TMPRSS4: variants seen among roughly 807,000 people sequenced by gnomAD.
The protein encoded by TMPRSS4 is transmembrane protease serine 4.
Under a neutral mutation model 56.4 loss-of-function variants are expected in TMPRSS4, and 45 were observed. The ratio of observed to expected loss-of-function variants is 0.80; its 90% CI spans 0.63 to 1.02. The LOEUF (loss-of-function observed/expected upper bound fraction) is 1.02, where lower values mean the gene tolerates loss of function less well. Ranked by LOEUF, TMPRSS4 falls within the 50% of genes least tolerant of loss-of-function variation. The pLI, the probability that TMPRSS4 is intolerant of heterozygous loss-of-function variation, is 0.00. For missense variants in TMPRSS4, 546 were observed against 556.7 expected, an observed-to-expected ratio of 0.98 and a Z score of 0.19; for synonymous variants, 205 against 211.0, an observed-to-expected ratio of 0.97 and a Z score of 0.25.
At chr11:118,081,421 C>G (rs776473819) in intron 1 of TMPRSS4, among the ~76,000 whole-genome samples, 1 of 152,216 alleles carries the variant, frequency 6.6e-6, no homozygotes, top group Non-Finnish European at 1.5e-5. Context: ...ACCAGCACGT[C>G]GGCAGCTGAG....
downstream of TMPRSS4, among the ~76,000 whole-genome samples, chr11:118,123,828 A>T (rs2135487187): frequency 6.6e-6 from 1 of 152,210 alleles, no homozygotes; most frequent in African/African-American, 2.4e-5. Flanking sequence ...CCGGCCAATT[A>T]CTGTTATGTC....
chr11:118,122,776 G>C (rs768148586), downstream of TMPRSS4, among the ~76,000 whole-genome samples: 20 of 152,136 alleles, frequency 1.3e-4, no homozygotes, highest in Admixed American at 6.5e-5. Flanking sequence ...GGATGCTATT[G>C]TCTGAATGCT....
chr11:118,090,708 G>A (rs1303106552), intron 1 of TMPRSS4, among the ~76,000 whole-genome samples: 1 of 151,966 alleles, frequency 6.6e-6, no homozygotes, highest in Non-Finnish European at 1.5e-5. Context: ...AGCGCAGGAG[G>A]TGGAGGCTGC....
intron 1 of TMPRSS4, 42 bp from the exon 2 acceptor site, chr11:118,094,774 G>C (rs767772092): frequency 3.1e-6 from 5 of 1,591,762 alleles, no homozygotes; most frequent in Non-Finnish European, 4.3e-6. Flanking sequence ...GCCCCAGCCT[G>C]AGAGGCTCCC....
chr11:118,077,313 T>C lies in TMPRSS4; in HGVS notation c.3+8T>C. The C allele has an allele frequency of 6.3e-7, 1 of 1,598,724 alleles. No individual in the cohort carries two copies. The highest frequency in any genetic ancestry group is 1.7e-5 in the Admixed American group (1 of 58,190). The stretch of plus-strand genomic sequence containing the variant: ...GATCACAGAGCCAGCATGGTGAGTG[T>C]GGGGCCCTCTGCTCCCAAGACACAG... On this transcript the variant is annotated splice_region_variant and intron_variant, in intron 1 of 12. Transcript: ENST00000437212.
chr11:118,084,958 C>T (rs1300567693), intron 1 of TMPRSS4, among the ~76,000 whole-genome samples: 1 of 152,092 alleles, frequency 6.6e-6, no homozygotes, highest in Non-Finnish European at 1.5e-5. Flanking sequence ...CAGCTGAGAC[C>T]CCTCAAACTG....
At chr11:118,079,913 G>A (rs977506645) in intron 1 of TMPRSS4, among the ~76,000 whole-genome samples, 1 of 152,200 alleles carries the variant, frequency 6.6e-6, no homozygotes, top group African/African-American at 2.4e-5. Flanking sequence ...AGGTCCTAAA[G>A]GGCAAGACAG....
chr11:118,113,403 T>C lies in TMPRSS4; in HGVS notation c.878T>C (p.Leu293Pro), dbSNP rs1947380051. 6.2e-7 allele frequency: 1 copy of C among 1,614,128 alleles called. No homozygotes were observed. The highest frequency in any genetic ancestry group is 8.5e-7 in the Non-Finnish European group (1 of 1,180,018). ...TACCCCAAAGACAATGACATCGCCC[T>C]CATGAAGCTGCAGTTCCCACTCACT... ...PMYPKDNDIA[L>P]MKLQFPLTFS... Residue 293 changes from leucine to proline, a missense_variant, in exon 9 of 13, where the codon CTC becomes CCC. Leu to Pro is a moderately conservative substitution (Grantham distance 98, BLOSUM62 -3). Transcript: ENST00000437212.
chr11:118,107,768 G>A lies in TMPRSS4; in HGVS notation c.441-6G>A, dbSNP rs1947066069. 2 of 1,613,682 alleles carry A rather than the reference G, an allele frequency of 1.2e-6. No individual in the cohort carries two copies. Among genetic ancestry groups the A allele is most frequent in the Non-Finnish European group, 1.7e-6 (2 of 1,179,702 alleles). On this transcript the variant is annotated splice_region_variant and splice_polypyrimidine_tract_variant and intron_variant, in intron 5 of 12. Coordinates refer to ENST00000437212, the MANE Select transcript of TMPRSS4 (RefSeq NM_019894.4). ...CACAACTCTCTCTCCCTCTTGATGT[G>A]AGCAGCAAACCCACTTTCAGAGCTG...
At chr11:118,080,002 C>A (rs1945000860) in intron 1 of TMPRSS4, among the ~76,000 whole-genome samples, 1 of 152,122 alleles carries the variant, frequency 6.6e-6, no homozygotes, top group Non-Finnish European at 1.5e-5. Flanking sequence ...TCACTGTAAC[C>A]ACTCCCCCCC....
chr11:118,093,615 A>T (rs1032397404), intron 1 of TMPRSS4, among the ~76,000 whole-genome samples: 1 of 152,236 alleles, frequency 6.6e-6, no homozygotes, highest in Admixed American at 6.5e-5. Flanking sequence ...ATTTGTGCAC[A>T]TGCGTCGACG....
chr11:118,083,437 G>A (rs1945309554), intron 1 of TMPRSS4, among the ~76,000 whole-genome samples: 1 of 152,080 alleles, frequency 6.6e-6, no homozygotes, highest in African/African-American at 2.4e-5. Context: ...AGTCCACAGA[G>A]TCCCCTGCTG....
At chr11:118,087,648 TA>T (rs1347441072) in intron 1 of TMPRSS4, 8 of 152,252 alleles carry the variant, frequency 5.3e-5, no homozygotes, top group Admixed American at 5.2e-4. Context: ...TCACTCCATT[TA>T]AAAACAAGAG....
At chr11:118,088,127 C>G (rs1945704096) in intron 1 of TMPRSS4, 1 of 152,254 alleles carries the variant, frequency 6.6e-6, no homozygotes, top group Non-Finnish European at 1.5e-5. Context: ...ATGACTGTTA[C>G]CGAAATGAGT....
Position 118,098,998 on chromosome 11 carries a change from G to T in TMPRSS4, c.57G>T (p.Leu19=), listed in dbSNP as rs758667907. ...QPLNSLDVKP[L]RKPRIPMETF... Reference sequence around the variant, plus strand: ...ATTTTCTTGCAGATGTCAAACCCCTGCGCAAACCCCGTATCCCCATGGAGA... The same window carrying T: ...ATTTTCTTGCAGATGTCAAACCCCTTCGCAAACCCCGTATCCCCATGGAGA... Residue 19 remains leucine, a synonymous_variant, in exon 3 of 13, where the codon CTG becomes CTT. Transcript: ENST00000437212. 9 of 1,613,392 alleles carry T rather than the reference G, an allele frequency of 5.6e-6. No individual in the cohort carries two copies. Among genetic ancestry groups the T allele is most frequent in the Non-Finnish European group, 7.6e-6 (9 of 1,179,680 alleles).
In TMPRSS4 at chr11:118,118,123, G is replaced by A. The variant is rs775542802; in HGVS notation, c.*210G>A. On this transcript the variant is annotated 3_prime_UTR_variant, in exon 13 of 13. Transcript: ENST00000437212. ...CAGAGGAAGTCAGCAGCCCTAGCTC[G>A]GCCACACTTGGTGCTCCCAGCATCC... is the stretch of plus-strand genomic sequence containing the variant. 97 of 1,424,776 alleles carry A rather than the reference G, an allele frequency of 6.8e-5. No homozygotes were observed. Among genetic ancestry groups the A allele is most frequent in the South Asian group, 3.1e-4 (20 of 64,930 alleles). The allele number at this position is 1,424,776 out of a possible 1,614,324, so 88.3% of individuals were successfully genotyped here. A position where few individuals can be genotyped will look rare whatever the true frequency, so the allele number is the denominator to read the frequency against.
intron 2 of TMPRSS4, among the ~76,000 whole-genome samples, chr11:118,095,888 G>GA (rs1438817307): frequency 1.3e-5 from 2 of 152,186 alleles, no homozygotes; most frequent in African/African-American, 4.8e-5. Context: ...CAGGCTGGAG[G>GA]GAGGAACAAC....
intron 5 of TMPRSS4, among the ~76,000 whole-genome samples, chr11:118,105,345 T>A (rs1036782459): frequency 6.6e-6 from 1 of 152,194 alleles, no homozygotes; most frequent in Non-Finnish European, 1.5e-5. Flanking sequence ...AGGTGTAAGA[T>A]GATAGTAAGA....
At chr11:118,098,836 G>T in intron 2 of TMPRSS4, 149 bp from the exon 3 acceptor site, 1 of 581,674 alleles carries the variant, frequency 1.7e-6, no homozygotes, top group Non-Finnish European at 3.1e-6. Context: ...GCTAAGCCTA[G>T]TCTGCAGGAA....
Sources: allele counts gnomAD v4.1 joint callset (sites outside exome capture counted in the v4.1 genomes callset), GRCh38; gene constraint gnomAD v4.1.1; transcripts MANE v1.5; gene names NCBI Gene and HGNC (gene_info 2026-07-23, HGNC 2026-07-21).